The following CCNQ variants were observed in gnomAD, a reference collection of about 807,000 sequenced individuals.
CCNQ encodes the protein cyclin-Q.
In CCNQ, 3 loss-of-function variants were observed where a neutral mutation model predicts 17.7. That is an observed-to-expected ratio of 0.17 (90% confidence interval 0.08 to 0.44). The LOEUF (loss-of-function observed/expected upper bound fraction) is 0.44. Ranked by LOEUF, CCNQ falls within the 20% of genes least tolerant of loss-of-function variation. The pLI is 0.99. For missense variants in CCNQ, 146 were observed against 222.6 expected (o/e 0.66, Z 2.19); for synonymous variants, 73 against 96.0 (o/e 0.76, Z 1.40).
chrX:153,592,836 C>T, intron 3 of CCNQ, 103 bp from the exon 4 acceptor site: 1 of 795,303 alleles, frequency 1.3e-6, no homozygotes, highest in Non-Finnish European at 1.9e-6. Flanking sequence ...CTTCCATGTC[C>T]CTCAGGAAGA....
At chrX:153,595,934 C>T (rs2091024349) in intron 2 of CCNQ, 70 bp downstream of exon 2, 1 of 1,147,654 alleles carries the variant, frequency 8.7e-7, no homozygotes, top group Non-Finnish European at 1.2e-6. Context: ...GTGGGCAGGG[C>T]CCCATAGGAG....
intron 1 of CCNQ, among the ~76,000 whole-genome samples, chrX:153,596,950 T>C (rs962813015): frequency 8.9e-6 from 1 of 111,738 alleles, no homozygotes; most frequent in African/African-American, 3.3e-5. Context: ...GGCAACAGAG[T>C]GAGACCCTGT....
intron 4 of CCNQ, among the ~76,000 whole-genome samples, chrX:153,591,145 T>C (rs1381411920): frequency 9.1e-6 from 1 of 110,080 alleles, no homozygotes; most frequent in Admixed American, 9.6e-5. Context: ...AGCACCCGGG[T>C]GGGTGAGGCC....
intron 1 of CCNQ, among the ~76,000 whole-genome samples, chrX:153,598,243 C>T (rs2091041409): frequency 9.0e-6 from 1 of 111,468 alleles, no homozygotes; most frequent in Admixed American, 9.5e-5. Context: ...TGGTGAAACC[C>T]CGTCTCTACT....
chrX:153,593,079 C>T (rs1260948342), intron 3 of CCNQ, among the ~76,000 whole-genome samples: 1 of 112,410 alleles, frequency 8.9e-6, no homozygotes, highest in African/African-American at 3.2e-5. Context: ...TTCCTCGGGG[C>T]CTGGTGCTCC....
At chrX:153,598,941 G>T in intron 1 of CCNQ, 21 bp downstream of exon 1, 1 of 1,094,413 alleles carries the variant, frequency 9.1e-7, no homozygotes, top group Non-Finnish European at 1.2e-6. Flanking sequence ...GCCTGTCCTG[G>T]CCTCCCCCGG....
At chrX:153,597,788 C>G (rs1557027389) in intron 1 of CCNQ, 1 of 111,053 alleles carries the variant, frequency 9.0e-6, no homozygotes, top group East Asian at 2.8e-4. Context: ...AAGACAATTC[C>G]TACCTGGGAC....
At position 153,588,208 on chromosome X, in the gene CCNQ, C is replaced by T. The variant is rs782460662; in HGVS notation, c.*157G>A. ...CCGCGACTTCTAGGGACTGGCAAAG[C>T]GGCAGCATGCCATTGCCTTCTCCAG... On this transcript the variant is annotated 3_prime_UTR_variant, in exon 5 of 5. Coordinates refer to ENST00000576892, the MANE Select transcript of CCNQ (RefSeq NM_152274.5). 55 of 565,708 alleles carry T rather than the reference C, an allele frequency of 9.7e-5. No individual in the cohort carries two copies. The highest frequency in any genetic ancestry group is 7.1e-4 in the Middle Eastern group (2 of 2,836). 46.6% of individuals were successfully genotyped at this position (565,708 alleles called of 1,213,427 possible). A position where few individuals can be genotyped will look rare whatever the true frequency, so the allele number is the denominator to read the frequency against.
chrX:153,598,471 C>T (rs1455695458), intron 1 of CCNQ, among the ~76,000 whole-genome samples: 3 of 112,739 alleles, frequency 2.7e-5, no homozygotes, highest in African/African-American at 9.7e-5. Context: ...CTACAGAGAT[C>T]TTAGCTTAAT....
intron 1 of CCNQ, 111 bp from the exon 2 acceptor site, chrX:153,596,298 G>A (rs1231563072): frequency 4.7e-6 from 4 of 848,554 alleles, no homozygotes; most frequent in Admixed American, 4.8e-5. Context: ...CTTGGACAAG[G>A]CTAAGAACTT....
At position 153,588,462 on chromosome X, in the gene CCNQ, G is replaced by T. The variant is rs782178964; in HGVS notation, c.658-8C>A. The T allele has an allele frequency of 1.7e-6, 2 of 1,172,771 alleles. No individual in the cohort carries two copies. The highest frequency in any genetic ancestry group is 4.4e-5 in the Admixed American group (2 of 45,956). Reference sequence around the variant, plus strand: ...AAGGTCGTCATTAAACACCTAGAAAGAAGAAGGAAAACAGGTTCCAGTTAG... The same window carrying T: ...AAGGTCGTCATTAAACACCTAGAAATAAGAAGGAAAACAGGTTCCAGTTAG... On this transcript the variant is annotated splice_polypyrimidine_tract_variant and splice_region_variant and intron_variant, in intron 4 of 4. Transcript: ENST00000576892.
rs190360145 is a variant in CCNQ at position 153,594,529 on chromosome X, C to G, written c.429+18G>C. 578 of 1,208,463 alleles carry G rather than the reference C, an allele frequency of 4.8e-4. 2 individuals are homozygous for G. In the African/African-American group the frequency reaches 8.9e-3, roughly 19 times the overall value. On this transcript the variant is annotated intron_variant, in intron 3 of 4. Coordinates refer to ENST00000576892, the MANE Select transcript of CCNQ (RefSeq NM_152274.5). The stretch of plus-strand genomic sequence containing the variant: ...GGCTTGAGCCTCTCCAAACAGGCAC[C>G]AGTTCCCCAGTATGTACCTTGTGTG...
chrX:153,596,473 G>A (rs1557027131), intron 1 of CCNQ, among the ~76,000 whole-genome samples: 1 of 112,318 alleles, frequency 8.9e-6, no homozygotes, highest in Admixed American at 9.4e-5. Context: ...CCCATGTCAG[G>A]GGTCTATAGA....
intron 1 of CCNQ, among the ~76,000 whole-genome samples, chrX:153,596,712 C>T (rs1433861218): frequency 2.7e-5 from 3 of 112,698 alleles, no homozygotes; most frequent in Non-Finnish European, 5.6e-5. Flanking sequence ...GCACTGGTTT[C>T]GTAGTCCACA....
intron 4 of CCNQ, among the ~76,000 whole-genome samples, chrX:153,590,056 C>T (rs1054675367): frequency 9.3e-6 from 1 of 108,107 alleles, no homozygotes; most frequent in Non-Finnish European, 1.9e-5. Flanking sequence ...GGTGAAACCC[C>T]GTCTCTACTA....
intron 4 of CCNQ, among the ~76,000 whole-genome samples, chrX:153,591,356 G>A (rs1170015453): frequency 8.9e-6 from 1 of 112,141 alleles, no homozygotes; most frequent in Non-Finnish European, 1.9e-5. Flanking sequence ...CAGTCTGAAC[G>A]ATGACTGGGT....
At position 153,599,118 on chromosome X, in the gene CCNQ, A is replaced by C. The variant is rs2091050373; in HGVS notation, c.-45T>G. ...GGAAGGAGAGGCGGCCCCGGCGCGC[A>C]GAAGCCGGCAGAACTGGAGGTGCTC... On this transcript the variant is annotated 5_prime_UTR_variant, in exon 1 of 5. Coordinates refer to ENST00000576892, the MANE Select transcript of CCNQ (RefSeq NM_152274.5). 7.0e-6 allele frequency: 5 copies of C among 716,433 alleles called. No individual in the cohort carries two copies. The highest frequency in any genetic ancestry group is 8.8e-6 in the Non-Finnish European group (5 of 570,312). 59.0% of individuals were successfully genotyped at this position (716,433 alleles called of 1,213,427 possible). A position where few individuals can be genotyped will look rare whatever the true frequency, so the allele number is the denominator to read the frequency against.
chrX:153,594,233 G>A (rs782741792), intron 3 of CCNQ, among the ~76,000 whole-genome samples: 3 of 112,725 alleles, frequency 2.7e-5, no homozygotes, highest in African/African-American at 9.6e-5. Context: ...GAGGCCCAGC[G>A]TGCACACCAT....
chrX:153,593,816 G>C (rs2091008394), intron 3 of CCNQ, among the ~76,000 whole-genome samples: 1 of 112,210 alleles, frequency 8.9e-6, no homozygotes. Context: ...TACCCCTGGG[G>C]GAGACTGGGC....
Sources: allele counts gnomAD v4.1 joint callset (sites outside exome capture counted in the v4.1 genomes callset), GRCh38; gene constraint gnomAD v4.1.1; transcripts MANE v1.5; gene names NCBI Gene and HGNC (gene_info 2026-07-23, HGNC 2026-07-21).